ANO5: variants seen among roughly 807,000 people sequenced by gnomAD.
The protein encoded by ANO5 is anoctamin-5.
In ANO5, 109 loss-of-function variants were observed where a neutral mutation model predicts 121.0. The observed-to-expected ratio is 0.90, with a 90% CI of 0.77 to 1.06. The LOEUF (loss-of-function observed/expected upper bound fraction) is 1.06, where lower values mean the gene tolerates loss of function less well. Among genes scored for constraint, ANO5 ranks in the 50% least tolerant of loss-of-function variants. The pLI is 0.00. For missense variants in ANO5, 1,064 were observed against 1,078.5 expected, an observed-to-expected ratio of 0.99 and a Z score of 0.19; for synonymous variants, 406 against 359.9, an observed-to-expected ratio of 1.13 and a Z score of -1.45.
At chr11:22,254,571 C>T (rs1271843510) in intron 12 of ANO5, among the ~76,000 whole-genome samples, 1 of 148,934 alleles carries the variant, frequency 6.7e-6, no homozygotes, top group Non-Finnish European at 1.5e-5. Context: ...TTTCGCTGTA[C>T]ACAGCAACAA....
At chr11:22,219,316 A>G (rs1852562626) in intron 4 of ANO5, among the ~76,000 whole-genome samples, 2 of 152,164 alleles carry the variant, frequency 1.3e-5, no homozygotes, top group African/African-American at 4.8e-5. Flanking sequence ...TGGAATTACT[A>G]TTCTCTTAGC....
intron 17 of ANO5, among the ~76,000 whole-genome samples, chr11:22,269,120 AGAAAG>A (rs145118628): frequency 0.027 from 3,998 of 149,938 alleles, 241 homozygotes; most frequent in African/African-American, 0.093. Flanking sequence ...GAGGGATTAA[AGAAAG>A]GAAAGGAAAG....
intron 17 of ANO5, among the ~76,000 whole-genome samples, chr11:22,266,047 C>T (rs1854351308): frequency 6.6e-6 from 1 of 152,080 alleles, no homozygotes; most frequent in Non-Finnish European, 1.5e-5. Context: ...AATTGGACAT[C>T]GCATATGCAA....
At chr11:22,238,101 C>T (rs1417142731) in intron 8 of ANO5, among the ~76,000 whole-genome samples, 1 of 152,008 alleles carries the variant, frequency 6.6e-6, no homozygotes, top group Admixed American at 6.6e-5. Flanking sequence ...GGGTGCAGAA[C>T]CTGCAGATAC....
At chr11:22,274,491 TGA>T (rs1198846183) in intron 19 of ANO5, 76 bp from the exon 20 acceptor site, 22 of 1,293,038 alleles carry the variant, frequency 1.7e-5, no homozygotes, top group Non-Finnish European at 2.3e-5. Flanking sequence ...TTTATGGTAC[TGA>T]GAGATGTACA....
rs1057522538 is a variant in ANO5 at position 22,272,929 on chromosome 11, T to C, written c.2175T>C (p.His725=). The C allele has an allele frequency of 3.1e-6, 5 of 1,614,008 alleles. No homozygotes were observed. In the African/African-American group the frequency reaches 4.0e-5, roughly 13 times the overall value. ...QYRRTVASKA[H]SIGVWQDILY... ...GGAGAACTGTAGCTTCTAAAGCTCA[T>C]AGCATAGGTGTTTGGCAAGACATTC... is the stretch of plus-strand genomic sequence containing the variant. Residue 725 remains histidine, a synonymous_variant, in exon 19 of 22, where the codon CAT becomes CAC. Transcript: ENST00000324559.
intron 1 of ANO5, among the ~76,000 whole-genome samples, chr11:22,198,973 T>C (rs1163322676): frequency 6.6e-6 from 1 of 152,226 alleles, no homozygotes; most frequent in Admixed American, 6.5e-5. Context: ...CCATTGATGA[T>C]AATACTGCAT....
rs768158117 is a variant in ANO5 at position 22,232,372 on chromosome 11, CT to C, written c.649-3789del. Among the ~76,000 whole-genome samples the C allele has an allele frequency of 7.2e-5, 11 of 151,906 alleles. No individual in the cohort carries two copies. In the East Asian group the frequency reaches 2.1e-3, roughly 29 times the overall value. On this transcript the variant is annotated intron_variant, in intron 7 of 21. Coordinates refer to ENST00000324559, the MANE Select transcript of ANO5 (RefSeq NM_213599.3). ...GTCTCTGGTCTGTTTTCAATTAGAT[CT>C]TCCCTTTTCTTGTCAATTTGCAGTA...
At chr11:22,207,883 C>A (rs1448545412) in intron 2 of ANO5, among the ~76,000 whole-genome samples, 1 of 151,960 alleles carries the variant, frequency 6.6e-6, no homozygotes, top group Non-Finnish European at 1.5e-5. Flanking sequence ...ATATTGAGAT[C>A]TTTCACTAAA....
chr11:22,220,612 T>C (rs995906250), intron 4 of ANO5, among the ~76,000 whole-genome samples: 3 of 152,016 alleles, frequency 2.0e-5, no homozygotes, highest in African/African-American at 7.2e-5. Context: ...TTGATTTTAT[T>C]TTAATCCTTA....
chr11:22,276,059 T>A, intron 20 of ANO5, 35 bp from the exon 21 acceptor site: 1 of 1,265,954 alleles, frequency 7.9e-7, no homozygotes, highest in Non-Finnish European at 1.1e-6. Flanking sequence ...TAACTATTAT[T>A]ATTTTTTTTT....
intron 1 of ANO5, among the ~76,000 whole-genome samples, chr11:22,202,447 G>A (rs1195062768): frequency 2.3e-5 from 2 of 87,292 alleles, no homozygotes; most frequent in Non-Finnish European, 5.3e-5. Flanking sequence ...CTATACAAAT[G>A]GTAGATTTTT....
intron 15 of ANO5, 100 bp downstream of exon 15, chr11:22,259,841 C>A: frequency 8.1e-7 from 1 of 1,236,214 alleles, no homozygotes; most frequent in Non-Finnish European, 1.1e-6. Flanking sequence ...TTTCAAAGGA[C>A]ACATTTTAAG....
At chr11:22,233,445 G>T (rs1398213424) in intron 7 of ANO5, among the ~76,000 whole-genome samples, 5 of 150,102 alleles carry the variant, frequency 3.3e-5, no homozygotes. Context: ...GCTTTCCCAG[G>T]TTCCAGACAT....
At chr11:22,217,078 C>T (rs1486041787) in intron 3 of ANO5, among the ~76,000 whole-genome samples, 2 of 151,830 alleles carry the variant, frequency 1.3e-5, no homozygotes, top group Non-Finnish European at 2.9e-5. Context: ...TATTTTAAAA[C>T]AACAGCAATA....
chr11:22,237,077 G>C (rs1456391263), intron 8 of ANO5, among the ~76,000 whole-genome samples: 1 of 151,976 alleles, frequency 6.6e-6, no homozygotes, highest in African/African-American at 2.4e-5. Flanking sequence ...GGAAATCCTG[G>C]GGCTGAATGT....
chr11:22,232,549 A>G (rs1157416923), intron 7 of ANO5, among the ~76,000 whole-genome samples: 4 of 151,956 alleles, frequency 2.6e-5, no homozygotes, highest in African/African-American at 9.7e-5. Context: ...GTTATGAATA[A>G]TGCTCTTAAT....
chr11:22,221,294 G>C, intron 5 of ANO5, 84 bp downstream of exon 5: 1 of 1,196,906 alleles, frequency 8.4e-7, no homozygotes, highest in South Asian at 1.3e-5. Context: ...GAATTATGTT[G>C]TAAAAGTGAG....
intron 6 of ANO5, 103 bp from the exon 7 acceptor site, chr11:22,227,199 T>C: frequency 6.9e-7 from 1 of 1,456,858 alleles, no homozygotes; most frequent in East Asian, 2.3e-5. Flanking sequence ...GAAAATGCTT[T>C]GATGTGTTTG....
Sources: gnomAD v4.1 joint callset for allele counts (sites outside exome capture counted in the v4.1 genomes callset) on GRCh38, gnomAD v4.1.1 for gene constraint, MANE v1.5 for transcripts, NCBI Gene and HGNC (gene_info 2026-07-23, HGNC 2026-07-21) for gene names.